Variants in CADM2 observed in about 807,000 individuals in gnomAD.
The protein encoded by CADM2 is cell adhesion molecule 2, also known as immunoglobulin superfamily member 4D.
A neutral mutation model predicts 49.8 loss-of-function variants in CADM2; 12 were observed. The ratio of observed to expected loss-of-function variants is 0.24; its 90% CI spans 0.15 to 0.39. The LOEUF (loss-of-function observed/expected upper bound fraction) is 0.39. Among genes scored for constraint, CADM2 ranks in the 10% least tolerant of loss-of-function variants. The probability of loss-of-function intolerance (pLI) is 1.00; values close to 1 mark genes in which losing one functional copy is unlikely to be tolerated. For missense variants in CADM2, 378 were observed against 492.3 expected (o/e 0.77, Z 2.20); for synonymous variants, 214 against 175.4 (o/e 1.22, Z -1.74).
intron 1 of CADM2, among the ~76,000 whole-genome samples, chr3:85,283,621 A>G (rs1289873461): frequency 6.6e-6 from 1 of 152,106 alleles, no homozygotes; most frequent in Non-Finnish European, 1.5e-5. Flanking sequence ...TAAATATTGT[A>G]ATTTGTTTTT....
At chr3:85,834,808 A>G (rs1278736804) in intron 3 of CADM2, among the ~76,000 whole-genome samples, 1 of 151,466 alleles carries the variant, frequency 6.6e-6, no homozygotes, top group Non-Finnish European at 1.5e-5. Context: ...AGATTGTTAT[A>G]TATCACAAAT....
intron 7 of CADM2, among the ~76,000 whole-genome samples, chr3:85,940,198 G>T (rs1031597767): frequency 6.7e-6 from 1 of 149,832 alleles, no homozygotes; most frequent in African/African-American, 2.5e-5. Flanking sequence ...AAATAGCCGG[G>T]CGTGGTGGTG....
intron 1 of CADM2, among the ~76,000 whole-genome samples, chr3:85,282,429 A>ATTT (rs1200462213): frequency 2.4e-5 from 3 of 124,062 alleles, no homozygotes; most frequent in Non-Finnish European, 3.4e-5. Flanking sequence ...TCTTGGCCAA[A>ATTT]TTTTTTTTTT....
At chr3:86,065,807 T>G in intron 9 of CADM2, 77 bp downstream of exon 9, 1 of 1,419,636 alleles carries the variant, frequency 7.0e-7, no homozygotes, top group Non-Finnish European at 9.6e-7. Flanking sequence ...ATGATATCAG[T>G]GCATATATGT....
chr3:85,575,467 C>T (rs2062603681), intron 1 of CADM2, among the ~76,000 whole-genome samples: 1 of 152,160 alleles, frequency 6.6e-6, no homozygotes, highest in Non-Finnish European at 1.5e-5. Flanking sequence ...AGGAGAATGG[C>T]GTGAACCCTG....
chr3:84,974,495 C>G (rs939803026), intron 1 of CADM2, among the ~76,000 whole-genome samples: 1 of 151,162 alleles, frequency 6.6e-6, no homozygotes, highest in East Asian at 2.0e-4. Flanking sequence ...ATTAAGTTTT[C>G]CTAAGTCAGA....
At chr3:85,717,855 C>A (rs536072652) in intron 1 of CADM2, among the ~76,000 whole-genome samples, 31 of 152,112 alleles carry the variant, frequency 2.0e-4, no homozygotes, top group Non-Finnish European at 4.1e-4. Flanking sequence ...GCAACCTCTG[C>A]CTCCCAGTTT....
intron 8 of CADM2, among the ~76,000 whole-genome samples, chr3:86,035,430 T>G (rs1295178074): frequency 6.6e-6 from 1 of 152,106 alleles, no homozygotes; most frequent in Non-Finnish European, 1.5e-5. Flanking sequence ...TATTGGTTTG[T>G]GTTCTCACCT....
chr3:85,249,525 T>C (rs1245830821), intron 1 of CADM2, among the ~76,000 whole-genome samples: 1 of 152,034 alleles, frequency 6.6e-6, no homozygotes, highest in Non-Finnish European at 1.5e-5. Flanking sequence ...AAGTTGTGGT[T>C]GAATTAATGT....
intron 1 of CADM2, among the ~76,000 whole-genome samples, chr3:85,064,861 T>A (rs1280379460): frequency 6.6e-6 from 1 of 152,118 alleles, no homozygotes; most frequent in Non-Finnish European, 1.5e-5. Flanking sequence ...CTTTTAAAAA[T>A]CTAACAGGCA....
intron 1 of CADM2, among the ~76,000 whole-genome samples, chr3:85,494,678 G>A (rs562645297): frequency 2.0e-4 from 30 of 152,186 alleles, no homozygotes; most frequent in Non-Finnish European, 3.2e-4. Flanking sequence ...TTTCCATTGA[G>A]GACTATATTG....
intron 1 of CADM2, among the ~76,000 whole-genome samples, chr3:85,090,719 A>G (rs1347953484): frequency 6.6e-6 from 1 of 152,116 alleles, no homozygotes; most frequent in African/African-American, 2.4e-5. Flanking sequence ...CCGCCTGAGC[A>G]CCACCTGCTG....
At chr3:85,346,162 A>C (rs1415568491) in intron 1 of CADM2, among the ~76,000 whole-genome samples, 5 of 152,228 alleles carry the variant, frequency 3.3e-5, no homozygotes, top group Non-Finnish European at 7.4e-5. Context: ...TTGTGTTGAA[A>C]GGAAATGCAG....
chr3:85,553,164 A>G (rs978576249), intron 1 of CADM2, among the ~76,000 whole-genome samples: 3 of 152,188 alleles, frequency 2.0e-5, no homozygotes, highest in Non-Finnish European at 4.4e-5. Flanking sequence ...AGAGAAAAAC[A>G]AAACAAAATA....
intron 1 of CADM2, among the ~76,000 whole-genome samples, chr3:85,540,014 A>G (rs564585602): frequency 6.6e-6 from 1 of 152,230 alleles, no homozygotes; most frequent in Admixed American, 6.5e-5. Context: ...AGGAGAGTAA[A>G]AGAGAGACCA....
In CADM2 at chr3:86,066,935, C is replaced by T. The variant is rs1739403330; in HGVS notation, c.*152C>T. On this transcript the variant is annotated 3_prime_UTR_variant, in exon 10 of 10. Coordinates refer to ENST00000383699, the MANE Select transcript of CADM2 (RefSeq NM_001167675.2). ...GTAGCCAGTGTATACCAACAATCAG[C>T]TGTTGAAAGCATCATTCTTTAATTA... 2.3e-5 allele frequency: 15 copies of T among 638,576 alleles called. No homozygotes were observed. The Admixed American group carries it at 2.9e-4, about 12-fold the overall frequency. 39.6% of individuals were successfully genotyped at this position (638,576 alleles called of 1,614,324 possible).
At chr3:85,177,629 T>A (rs1170492213) in intron 1 of CADM2, among the ~76,000 whole-genome samples, 12 of 149,260 alleles carry the variant, frequency 8.0e-5, no homozygotes. Flanking sequence ...ATTGTATAAA[T>A]GTAAATATTT....
At chr3:85,221,001 G>A (rs1323342718) in intron 1 of CADM2, among the ~76,000 whole-genome samples, 1 of 152,158 alleles carries the variant, frequency 6.6e-6, no homozygotes, top group African/African-American at 2.4e-5. Context: ...GTCTTTAAGA[G>A]TGGATGAATC....
At chr3:85,176,864 A>G (rs977936559) in intron 1 of CADM2, among the ~76,000 whole-genome samples, 1 of 152,218 alleles carries the variant, frequency 6.6e-6, no homozygotes, top group East Asian at 1.9e-4. Flanking sequence ...AGCCACATTC[A>G]GAGAAGCAAA....
Sources: allele counts gnomAD v4.1 joint callset (sites outside exome capture counted in the v4.1 genomes callset), GRCh38; gene constraint gnomAD v4.1.1; transcripts MANE v1.5; gene names NCBI Gene and HGNC (gene_info 2026-07-23, HGNC 2026-07-21).